ASIC2: variants seen among roughly 807,000 people sequenced by gnomAD.
ASIC2 encodes acid sensing ion channel subunit 2.
ASIC2 carries 25 observed loss-of-function variants against 57.3 expected under a neutral mutation model. The ratio of observed to expected loss-of-function variants is 0.44; its 90% CI spans 0.32 to 0.61. The LOEUF (loss-of-function observed/expected upper bound fraction) is 0.61. ASIC2 is among the 20% of genes least tolerant of loss of function. The probability of loss-of-function intolerance (pLI) is 0.06; values close to 1 mark genes in which losing one functional copy is unlikely to be tolerated. For missense variants in ASIC2, 641 were observed against 738.1 expected, an observed-to-expected ratio of 0.87 and a Z score of 1.52; for synonymous variants, 319 against 307.5, an observed-to-expected ratio of 1.04 and a Z score of -0.39.
intron 1 of ASIC2, among the ~76,000 whole-genome samples, chr17:33,717,205 A>G (rs1909250820): frequency 6.6e-6 from 1 of 152,238 alleles, no homozygotes; most frequent in African/African-American, 2.4e-5. Flanking sequence ...TTTCAGGAAA[A>G]TATGTTAATT....
At chr17:33,694,491 T>C in intron 1 of ASIC2, among the ~76,000 whole-genome samples, 1 of 152,216 alleles carries the variant, frequency 6.6e-6, no homozygotes, top group East Asian at 1.9e-4. Flanking sequence ...TTTATTCATG[T>C]TGTTTCCACT....
At chr17:33,187,844 G>A (rs1906256060) in intron 1 of ASIC2, among the ~76,000 whole-genome samples, 1 of 139,282 alleles carries the variant, frequency 7.2e-6, no homozygotes. Context: ...CTGAAAAAAT[G>A]ATAACATCCA....
chr17:34,153,152 G>A (rs1904589868), intron 1 of ASIC2, among the ~76,000 whole-genome samples: 1 of 152,134 alleles, frequency 6.6e-6, no homozygotes, highest in African/African-American at 2.4e-5. Context: ...TAAGAGCTTG[G>A]AATAAGAAAG....
At chr17:33,691,074 A>G (rs534162986) in intron 1 of ASIC2, among the ~76,000 whole-genome samples, 2 of 152,264 alleles carry the variant, frequency 1.3e-5, no homozygotes, top group African/African-American at 4.8e-5. Context: ...CATTCTTAAC[A>G]GTTAAATAGC....
intron 1 of ASIC2, among the ~76,000 whole-genome samples, chr17:33,121,096 C>T (rs2092300667): frequency 6.6e-6 from 1 of 152,232 alleles, no homozygotes; most frequent in Admixed American, 6.5e-5. Context: ...CAAAAAGGCT[C>T]CGCCCAGGCA....
chr17:33,180,232 C>T (rs977073809), intron 1 of ASIC2, among the ~76,000 whole-genome samples: 1 of 152,192 alleles, frequency 6.6e-6, no homozygotes, highest in African/African-American at 2.4e-5. Flanking sequence ...CCTGTTCAAA[C>T]TAGAAATCCC....
chr17:33,883,221 G>A (rs1597915597), intron 1 of ASIC2, among the ~76,000 whole-genome samples: 1 of 152,142 alleles, frequency 6.6e-6, no homozygotes, highest in East Asian at 1.9e-4. Flanking sequence ...TTGTGCACAT[G>A]TACCCTAAAA....
At position 33,473,517 on chromosome 17, in the gene ASIC2, C is replaced by T. The variant is rs148320746; in HGVS notation, c.556-361450G>A. Among the ~76,000 whole-genome samples, 380 of 152,046 alleles carry T rather than the reference C, an allele frequency of 2.5e-3. 1 individual carries two copies. Among genetic ancestry groups the T allele is most frequent in the African/African-American group, 5.3e-3 (220 of 41,482 alleles). On this transcript the variant is annotated intron_variant, in intron 1 of 9. Transcript: ENST00000359872. ...GCATCAAGCAGGAATGAGTACCACG[C>T]GGGGCTTCTGGACACTTAAGGAAGA...
At chr17:33,652,263 G>A (rs906755487) in intron 1 of ASIC2, among the ~76,000 whole-genome samples, 1 of 152,196 alleles carries the variant, frequency 6.6e-6, no homozygotes, top group Non-Finnish European at 1.5e-5. Context: ...GGAGAGACAG[G>A]AGGTCTAATT....
rs757385033 is a variant in ASIC2 at position 33,607,646 on chromosome 17, G to C, written c.556-495579C>G. Among the ~76,000 whole-genome samples, 7 of 152,354 alleles carry C rather than the reference G, an allele frequency of 4.6e-5. No individual in the cohort carries two copies. In the South Asian group the frequency reaches 1.4e-3, roughly 32 times the overall value. On this transcript the variant is annotated intron_variant, in intron 1 of 9. Transcript: ENST00000359872. ...GATGAGGGAAACAGTGGCGGCATCT[G>C]TCTGTCACTGATCCCTGCCTTGTGA...
chr17:33,667,567 C>G (rs1450035246), intron 1 of ASIC2, among the ~76,000 whole-genome samples: 2 of 152,198 alleles, frequency 1.3e-5, no homozygotes, highest in African/African-American at 4.8e-5. Flanking sequence ...CCGAACCAGA[C>G]AGCTTGGATT....
chr17:33,564,336 G>A (rs1421322718), intron 1 of ASIC2, among the ~76,000 whole-genome samples: 1 of 152,126 alleles, frequency 6.6e-6, no homozygotes, highest in Non-Finnish European at 1.5e-5. Context: ...TTAATCCACC[G>A]GTCAGTTTGC....
At chr17:34,095,398 G>A (rs1390305319) in intron 1 of ASIC2, among the ~76,000 whole-genome samples, 2 of 152,026 alleles carry the variant, frequency 1.3e-5, no homozygotes, top group Non-Finnish European at 2.9e-5. Flanking sequence ...ATATGAAAGG[G>A]TTGATAAATA....
In ASIC2 at chr17:33,887,822, T is replaced by C. The variant is rs146057419; in HGVS notation, c.555+268156A>G. 8.3e-4 allele frequency among the ~76,000 whole-genome samples: 126 copies of C among 152,246 alleles called. 1 individual carries two copies. Among genetic ancestry groups the C allele is most frequent in the African/African-American group, 2.9e-3 (122 of 41,544 alleles). ...TTTTAGTGTAGCCTTTAAAAGAACA[T>C]TGTTTTAATCTAGAGCAAATATATA... On this transcript the variant is annotated intron_variant, in intron 1 of 9. Transcript: ENST00000359872.
At chr17:33,902,663 A>T (rs1597923163) in intron 1 of ASIC2, among the ~76,000 whole-genome samples, 1 of 152,186 alleles carries the variant, frequency 6.6e-6, no homozygotes, top group Non-Finnish European at 1.5e-5. Flanking sequence ...GGACTCCAAC[A>T]GTCAATGCAA....
chr17:33,521,215 GA>G (rs1271922171), intron 1 of ASIC2, among the ~76,000 whole-genome samples: 5 of 152,144 alleles, frequency 3.3e-5, no homozygotes, highest in African/African-American at 1.2e-4. Context: ...AAGGCCTCTG[GA>G]GCTGGGTAAG....
chr17:33,304,832 G>A (rs17184594), intron 1 of ASIC2, among the ~76,000 whole-genome samples: 9,071 of 152,074 alleles, frequency 0.06, 404 homozygotes, highest in Non-Finnish European at 0.093. Context: ...TGCGTCTGCC[G>A]TCTGTTCTTA....
intron 1 of ASIC2, among the ~76,000 whole-genome samples, chr17:33,288,614 G>A (rs1229468790): frequency 6.6e-6 from 1 of 152,042 alleles, no homozygotes; most frequent in Admixed American, 6.6e-5. Flanking sequence ...GCAGGGTGTT[G>A]GCTGGGACAG....
chr17:33,565,529 C>A (rs1267262910), intron 1 of ASIC2, among the ~76,000 whole-genome samples: 3 of 152,176 alleles, frequency 2.0e-5, no homozygotes, highest in Non-Finnish European at 2.9e-5. Flanking sequence ...GTGGACACTT[C>A]ATCTGCCTTA....
Sources: gnomAD v4.1 joint callset for allele counts (sites outside exome capture counted in the v4.1 genomes callset) on GRCh38, gnomAD v4.1.1 for gene constraint, MANE v1.5 for transcripts, NCBI Gene and HGNC (gene_info 2026-07-23, HGNC 2026-07-21) for gene names.